Variants in KDM5A observed in about 807,000 individuals in gnomAD.
KDM5A encodes the protein lysine demethylase 5A, also known as lysine-specific demethylase 5A.
In KDM5A, 42 loss-of-function variants were observed where a neutral mutation model predicts 193.5. That is an observed-to-expected ratio of 0.22 (90% confidence interval 0.17 to 0.28). The LOEUF (loss-of-function observed/expected upper bound fraction) is 0.28. Ranked by LOEUF, KDM5A falls within the 10% of genes least tolerant of loss-of-function variation. The pLI, the probability that KDM5A is intolerant of heterozygous loss-of-function variation, is 1.00. For synonymous variants in KDM5A, 796 were observed against 718.1 expected, an observed-to-expected ratio of 1.11 and a Z score of -1.73; for missense variants, 1,692 against 2,055.1, an observed-to-expected ratio of 0.82 and a Z score of 3.42.
At chr12:353,899 C>T (rs1399895312) in intron 8 of KDM5A, among the ~76,000 whole-genome samples, 177 bp downstream of exon 8, 1 of 133,578 alleles carries the variant, frequency 7.5e-6, no homozygotes, top group South Asian at 2.3e-4. Context: ...TCCAGCCTGG[C>T]GACAGAGTGA....
intron 8 of KDM5A, among the ~76,000 whole-genome samples, chr12:353,132 T>G (rs1944184081): frequency 6.6e-6 from 1 of 151,806 alleles, no homozygotes; most frequent in South Asian, 2.1e-4. Flanking sequence ...ACCACTTGAG[T>G]CCAGGAGTTT....
At chr12:370,574 T>C (rs1253902696) in intron 3 of KDM5A, among the ~76,000 whole-genome samples, 2 of 151,510 alleles carry the variant, frequency 1.3e-5, no homozygotes, top group Non-Finnish European at 2.9e-5. Context: ...GACCAAAAAG[T>C]AGTATCGCTC....
At chr12:386,110 C>A in intron 1 of KDM5A, 136 bp from the exon 2 acceptor site, 1 of 657,036 alleles carries the variant, frequency 1.5e-6, no homozygotes, top group Non-Finnish European at 2.7e-6. Context: ...ATTATAGAGA[C>A]AGAATGAGCA....
chr12:309,432 A>G (rs1309793135), intron 22 of KDM5A, among the ~76,000 whole-genome samples: 1 of 152,242 alleles, frequency 6.6e-6, no homozygotes, highest in Non-Finnish European at 1.5e-5. Context: ...TGTTTATATC[A>G]GTCTGTAGTA....
In KDM5A at chr12:356,531, A is replaced by T; in HGVS notation, c.679T>A (p.Ser227Thr). 1 of 1,605,990 alleles carries T rather than the reference A, an allele frequency of 6.2e-7. No individual in the cohort carries two copies. Among genetic ancestry groups the T allele is most frequent in the South Asian group, 1.1e-5 (1 of 90,906 alleles). Residue 227 changes from serine (S) to threonine (T), a missense_variant, in exon 6 of 28, where the codon TCT becomes ACT. By Grantham distance (58) the Ser-to-Thr change is moderately conservative (BLOSUM62 1). This residue lies in a region of KDM5A where 134 missense variants were observed against 124.2 expected (regional missense o/e 1.08). Coordinates refer to ENST00000399788, the MANE Select transcript of KDM5A (RefSeq NM_001042603.3). ...RTRRVKTQSE[S>T]GDVSRNTELK... ...TCCGTGTTTCTACTCACATCTCCAGATTCTGACTAAAAAATAAGCAAAATT... is the reference window on the plus strand; with the variant it reads ...TCCGTGTTTCTACTCACATCTCCAGTTTCTGACTAAAAAATAAGCAAAATT...
At chr12:322,246 A>G in intron 17 of KDM5A, 171 bp downstream of exon 17, 1 of 638,144 alleles carries the variant, frequency 1.6e-6, no homozygotes, top group Non-Finnish European at 2.8e-6. Context: ...GGCTGGAGCA[A>G]GAAAGAAGGG....
Position 318,231 on chromosome 12 carries a change from C to T in KDM5A, c.2772G>A (p.Lys924=), listed in dbSNP as rs2137403641. The T allele has an allele frequency of 6.2e-7, 1 of 1,614,192 alleles. No individual in the cohort carries two copies. The highest frequency in any genetic ancestry group is 8.5e-7 in the Non-Finnish European group (1 of 1,180,034). Reference sequence around the variant, plus strand: ...CCAACCCTACCCCAGAGTCTATCAGCTTCTTCATGACATCCAAAGTGACTT... The same window carrying T: ...CCAACCCTACCCCAGAGTCTATCAGTTTCTTCATGACATCCAAAGTGACTT... ...PQQVTLDVMK[K]LIDSGVGLAP... is the part of the protein sequence containing the mutation. The change falls in exon 19 of 28, where the codon AAG becomes AAA. Residue 924 remains lysine, a synonymous_variant. Coordinates refer to ENST00000399788, the MANE Select transcript of KDM5A (RefSeq NM_001042603.3).
At position 311,075 on chromosome 12, in the gene KDM5A, A is replaced by C. The variant is rs1943579369; in HGVS notation, c.3037-11T>G. Reference sequence around the variant, plus strand: ...GTAATTGCTGCCACTCTGAAAAACCAAAGTAGATTCTCACAATTTGAGTTC... The same window carrying C: ...GTAATTGCTGCCACTCTGAAAAACCCAAGTAGATTCTCACAATTTGAGTTC... On this transcript the variant is annotated splice_polypyrimidine_tract_variant and intron_variant, in intron 20 of 27. Coordinates refer to ENST00000399788, the MANE Select transcript of KDM5A (RefSeq NM_001042603.3). 2 of 1,614,134 alleles carry C rather than the reference A, an allele frequency of 1.2e-6. No homozygotes were observed. The highest frequency in any genetic ancestry group is 1.7e-6 in the Non-Finnish European group (2 of 1,179,986).
At chr12:324,351 G>A (rs1943757981) in intron 14 of KDM5A, among the ~76,000 whole-genome samples, 1 of 152,054 alleles carries the variant, frequency 6.6e-6, no homozygotes, top group Admixed American at 6.6e-5. Context: ...TTGAGAGAAG[G>A]GAAGAAAATT....
intron 24 of KDM5A, among the ~76,000 whole-genome samples, chr12:299,348 T>C (rs1282425169): frequency 6.6e-6 from 1 of 152,188 alleles, no homozygotes; most frequent in African/African-American, 2.4e-5. Flanking sequence ...ACAGCGGATC[T>C]CTCGCAGAAA....
chr12:305,479 G>C (rs140498583), intron 24 of KDM5A, among the ~76,000 whole-genome samples: 16 of 152,240 alleles, frequency 1.1e-4, no homozygotes, highest in Admixed American at 2.0e-4. Flanking sequence ...GCAGTACCAT[G>C]CTGATCTGCA....
At position 297,156 on chromosome 12, in the gene KDM5A, A is replaced by C; in HGVS notation, c.4119T>G (p.Leu1373=). The stretch of plus-strand genomic sequence containing the variant: ...TGATGGGAATCTCTTCATCACAAAA[A>C]AGATTGGGTTCAAGACTACTAGAGG... ...VKSSSSLEPN[L]FCDEEIPIKS... Residue 1373 remains leucine (L), a synonymous_variant, in exon 25 of 28, where the codon CTT becomes CTG. Coordinates refer to ENST00000399788, the MANE Select transcript of KDM5A (RefSeq NM_001042603.3). 6.2e-7 allele frequency: 1 copy of C among 1,614,088 alleles called. No homozygotes were observed. The highest frequency in any genetic ancestry group is 8.5e-7 in the Non-Finnish European group (1 of 1,179,986).
intron 10 of KDM5A, among the ~76,000 whole-genome samples, chr12:342,794 C>A (rs1591922182): frequency 6.8e-6 from 1 of 146,558 alleles, no homozygotes; most frequent in African/African-American, 2.5e-5. Context: ...AAAAAAAAAA[C>A]CTGGGGAGGG....
intron 1 of KDM5A, among the ~76,000 whole-genome samples, chr12:386,933 C>CTT (rs1281001758): frequency 4.0e-5 from 6 of 151,302 alleles, no homozygotes; most frequent in Admixed American, 2.6e-4. Context: ...TGTGTTTAAA[C>CTT]TAAAAAGGGT....
intron 10 of KDM5A, among the ~76,000 whole-genome samples, chr12:345,516 T>C (rs1469448926): frequency 6.6e-6 from 1 of 152,172 alleles, no homozygotes; most frequent in East Asian, 1.9e-4. Flanking sequence ...TAATTGGAAG[T>C]AAAGCACTCC....
chr12:288,295 A>G (rs1943246772), intron 27 of KDM5A, among the ~76,000 whole-genome samples: 1 of 152,158 alleles, frequency 6.6e-6, no homozygotes, highest in Admixed American at 6.5e-5. Context: ...ATAAATTGTC[A>G]TTTCCCCCCC....
intron 27 of KDM5A, among the ~76,000 whole-genome samples, chr12:287,481 CA>C (rs986815546): frequency 2.1e-5 from 3 of 143,562 alleles, no homozygotes; most frequent in African/African-American, 7.7e-5. Context: ...CCTATTGTAG[CA>C]AACTAATCAG....
intron 10 of KDM5A, among the ~76,000 whole-genome samples, chr12:340,457 A>G (rs1053886771): frequency 6.6e-6 from 1 of 152,138 alleles, no homozygotes; most frequent in Non-Finnish European, 1.5e-5. Context: ...GCACTTTGGG[A>G]GGCCAAGGCG....
intron 3 of KDM5A, among the ~76,000 whole-genome samples, chr12:372,015 T>A (rs1270603611): frequency 6.6e-6 from 1 of 152,172 alleles, no homozygotes; most frequent in Non-Finnish European, 1.5e-5. Context: ...TGTAGTATAG[T>A]TTGAAGTCAG....
Sources: allele counts gnomAD v4.1 joint callset (sites outside exome capture counted in the v4.1 genomes callset), GRCh38; gene constraint gnomAD v4.1.1; regional missense constraint gnomAD v4.1.1; transcripts MANE v1.5; gene names NCBI Gene and HGNC (gene_info 2026-07-23, HGNC 2026-07-21).